CTNND2: variants seen among roughly 807,000 people sequenced by gnomAD.
CTNND2 encodes catenin delta-2.
Under a neutral mutation model 144.4 loss-of-function variants are expected in CTNND2, and 22 were observed. That is an observed-to-expected ratio of 0.15 (90% CI 0.11 to 0.22). The LOEUF is 0.22. CTNND2 is among the 10% of genes least tolerant of loss of function. CTNND2 has a pLI of 1.00. For synonymous variants in CTNND2, 751 were observed against 695.6 expected (o/e 1.08, Z -1.25); for missense variants, 1,353 against 1,618.8 (o/e 0.84, Z 2.82).
intron 10 of CTNND2, among the ~76,000 whole-genome samples, chr5:11,233,249 G>A (rs761216485): frequency 5.3e-5 from 8 of 152,010 alleles, no homozygotes; most frequent in Non-Finnish European, 8.8e-5. Flanking sequence ...GCTGACTTAC[G>A]GAAGCAAATT....
At chr5:11,551,438 T>A (rs1295232169) in intron 3 of CTNND2, among the ~76,000 whole-genome samples, 1 of 86,922 alleles carries the variant, frequency 1.2e-5, no homozygotes, top group African/African-American at 7.2e-5. Flanking sequence ...TTTTCTTTTT[T>A]TTTTTTTTTT....
At chr5:11,290,089 C>T (rs1748166100) in intron 9 of CTNND2, among the ~76,000 whole-genome samples, 1 of 152,154 alleles carries the variant, frequency 6.6e-6, no homozygotes, top group Admixed American at 6.5e-5. Context: ...GACACATAAA[C>T]TAAGGAATGT....
intron 2 of CTNND2, among the ~76,000 whole-genome samples, chr5:11,619,395 G>A (rs1378970650): frequency 6.6e-6 from 1 of 152,180 alleles, no homozygotes; most frequent in East Asian, 1.9e-4. Flanking sequence ...GTGACAGAGT[G>A]AGACTGTGTC....
intron 11 of CTNND2, among the ~76,000 whole-genome samples, chr5:11,164,094 C>G (rs1196416483): frequency 1.3e-5 from 2 of 152,124 alleles, no homozygotes; most frequent in East Asian, 3.9e-4. Flanking sequence ...TCTTACATCC[C>G]TCTGATTTTG....
chr5:11,152,420 T>C (rs1486139783), intron 12 of CTNND2, among the ~76,000 whole-genome samples: 2 of 152,208 alleles, frequency 1.3e-5, no homozygotes, highest in African/African-American at 2.4e-5. Flanking sequence ...CTAGGAGCAA[T>C]AGACATATCA....
intron 18 of CTNND2, among the ~76,000 whole-genome samples, chr5:11,001,154 T>C (rs1425493864): frequency 2.6e-5 from 4 of 152,124 alleles, no homozygotes; most frequent in African/African-American, 9.7e-5. Flanking sequence ...ATTTCAAACA[T>C]CCCCACCTTT....
intron 12 of CTNND2, among the ~76,000 whole-genome samples, chr5:11,121,460 T>C (rs537342091): frequency 9.8e-5 from 15 of 152,346 alleles, no homozygotes; most frequent in Middle Eastern, 3.4e-3. Flanking sequence ...ATGTGCATAA[T>C]ATCTCATCCT....
chr5:11,617,851 C>T (rs1028124314), intron 2 of CTNND2, among the ~76,000 whole-genome samples: 2 of 152,170 alleles, frequency 1.3e-5, no homozygotes, highest in African/African-American at 4.8e-5. Flanking sequence ...ATTATTATAC[C>T]ACAGGCTTTT....
intron 2 of CTNND2, among the ~76,000 whole-genome samples, chr5:11,590,699 A>C (rs1279628815): frequency 6.6e-6 from 1 of 151,816 alleles, no homozygotes; most frequent in Non-Finnish European, 1.5e-5. Context: ...AGCCCTTGTG[A>C]ATGTACTTTG....
intron 2 of CTNND2, among the ~76,000 whole-genome samples, chr5:11,577,029 T>C (rs2727591): frequency 0.4 from 61,160 of 152,052 alleles, 12,703 homozygotes; most frequent in East Asian, 0.54. Context: ...GAGCGTGCCA[T>C]CTTCTCACTG....
intron 1 of CTNND2, among the ~76,000 whole-genome samples, chr5:11,774,927 A>G (rs950950367): frequency 6.6e-6 from 1 of 152,164 alleles, no homozygotes. Flanking sequence ...GTTCAGCTGG[A>G]AGTGCAGTCA....
chr5:11,483,114 T>C (rs775037884), intron 3 of CTNND2, among the ~76,000 whole-genome samples: 6 of 151,946 alleles, frequency 3.9e-5, no homozygotes, highest in Non-Finnish European at 8.8e-5. Flanking sequence ...TGGAGGACAG[T>C]AGTGGTGGCA....
chr5:11,570,489 T>G (rs1381047713), intron 2 of CTNND2, among the ~76,000 whole-genome samples: 1 of 152,190 alleles, frequency 6.6e-6, no homozygotes. Context: ...TCACACTTAG[T>G]GAATAATAGG....
intron 7 of CTNND2, among the ~76,000 whole-genome samples, chr5:11,365,907 C>G (rs944309747): frequency 6.6e-5 from 10 of 152,298 alleles, no homozygotes; most frequent in African/African-American, 2.4e-4. Flanking sequence ...GAATACAGAA[C>G]ACGGACAAGA....
chr5:11,605,483 T>A (rs538083669), intron 2 of CTNND2, among the ~76,000 whole-genome samples: 37 of 152,330 alleles, frequency 2.4e-4, no homozygotes, highest in African/African-American at 7.7e-4. Flanking sequence ...AAGCCCCTTA[T>A]AGACCATATT....
At chr5:11,584,432 G>C (rs1440151086) in intron 2 of CTNND2, among the ~76,000 whole-genome samples, 4 of 145,794 alleles carry the variant, frequency 2.7e-5, no homozygotes, top group Non-Finnish European at 6.1e-5. Flanking sequence ...TTTTGGGGGG[G>C]GGGAGGAGGA....
At chr5:11,132,922 T>G (rs1043535592) in intron 12 of CTNND2, among the ~76,000 whole-genome samples, 3 of 152,180 alleles carry the variant, frequency 2.0e-5, no homozygotes, top group Non-Finnish European at 4.4e-5. Flanking sequence ...ACTTATTTAG[T>G]AGTTTTTTAC....
At chr5:11,266,206 T>C (rs1745424739) in intron 9 of CTNND2, among the ~76,000 whole-genome samples, 1 of 152,214 alleles carries the variant, frequency 6.6e-6, no homozygotes, top group Non-Finnish European at 1.5e-5. Context: ...TCAAAAGGTA[T>C]TGCTACCACT....
At chr5:11,574,148 T>C (rs1296154149) in intron 2 of CTNND2, among the ~76,000 whole-genome samples, 4 of 152,056 alleles carry the variant, frequency 2.6e-5, no homozygotes, top group Non-Finnish European at 5.9e-5. Context: ...ATTCTGAAAA[T>C]GTTCCATTAG....
Sources: allele counts gnomAD v4.1 joint callset (sites outside exome capture counted in the v4.1 genomes callset), GRCh38; gene constraint gnomAD v4.1.1; transcripts MANE v1.5; gene names NCBI Gene and HGNC (gene_info 2026-07-23, HGNC 2026-07-21).